Variants in FRMPD4 observed in about 807,000 individuals in gnomAD.
FRMPD4 encodes the protein FERM and PDZ domain-containing protein 4.
Under a neutral mutation model 94.1 loss-of-function variants are expected in FRMPD4, and 22 were observed. The observed-to-expected ratio is 0.23, with a 90% CI of 0.17 to 0.33. The LOEUF (loss-of-function observed/expected upper bound fraction) is 0.33. Among genes scored for constraint, FRMPD4 ranks in the 10% least tolerant of loss-of-function variants. FRMPD4 has a pLI of 1.00. For missense variants in FRMPD4, 1,111 were observed against 1,339.9 expected (o/e 0.83, Z 2.67); for synonymous variants, 631 against 548.6 (o/e 1.15, Z -2.10).
At chrX:12,477,360 C>T (rs777230510) in intron 1 of FRMPD4, among the ~76,000 whole-genome samples, 45 of 111,749 alleles carry the variant, frequency 4.0e-4, no homozygotes, top group Admixed American at 1.8e-3. Context: ...TGTTAAATGA[C>T]GAGTTAACGG....
intron 3 of FRMPD4, among the ~76,000 whole-genome samples, chrX:12,054,395 T>C (rs1405312361): frequency 9.0e-6 from 1 of 111,051 alleles, no homozygotes; most frequent in Non-Finnish European, 1.9e-5. Context: ...CTCCCTCTGC[T>C]CCTTGGACTG....
At chrX:12,662,331 C>T (rs1005490496) in intron 4 of FRMPD4, among the ~76,000 whole-genome samples, 14 of 110,510 alleles carry the variant, frequency 1.3e-4, no homozygotes, top group Admixed American at 2.9e-4. Flanking sequence ...AGGTATTTCT[C>T]CTAATGCTAT....
intron 1 of FRMPD4, among the ~76,000 whole-genome samples, chrX:12,248,810 A>G (rs758980855): frequency 4.3e-3 from 488 of 112,388 alleles, no homozygotes; most frequent in African/African-American, 0.015. Context: ...AGGCCGAGGC[A>G]GGTGGATCAC....
intron 3 of FRMPD4, among the ~76,000 whole-genome samples, chrX:12,072,893 T>C (rs959168084): frequency 8.2e-5 from 9 of 109,828 alleles, no homozygotes; most frequent in African/African-American, 3.0e-4. Context: ...AGGGTGTGTA[T>C]TTTTTAATTA....
At chrX:12,582,730 A>AT (rs1310992973) in intron 2 of FRMPD4, among the ~76,000 whole-genome samples, 2 of 111,039 alleles carry the variant, frequency 1.8e-5, no homozygotes, top group African/African-American at 6.6e-5. Flanking sequence ...TTCATTGTAA[A>AT]TTTTTTCCAG....
At chrX:12,720,206 GT>G (rs2042212551) in intron 16 of FRMPD4, among the ~76,000 whole-genome samples, 2 of 112,206 alleles carry the variant, frequency 1.8e-5, no homozygotes, top group Middle Eastern at 9.1e-3. Flanking sequence ...ATACACAGTT[GT>G]TTTCTGTGTC....
At chrX:12,216,481 C>G (rs924022623) in intron 1 of FRMPD4, among the ~76,000 whole-genome samples, 7 of 111,798 alleles carry the variant, frequency 6.3e-5, no homozygotes, top group African/African-American at 2.3e-4. Flanking sequence ...TTCCCAGGTT[C>G]AAGCTGAAGG....
intron 2 of FRMPD4, among the ~76,000 whole-genome samples, chrX:12,580,339 T>C (rs1325869694): frequency 1.8e-5 from 2 of 111,938 alleles, no homozygotes. Context: ...CCAAAGAAGA[T>C]GTACCCTTCA....
intron 1 of FRMPD4, among the ~76,000 whole-genome samples, chrX:12,469,386 A>T (rs1368540576): frequency 9.0e-6 from 1 of 110,997 alleles, no homozygotes; most frequent in Non-Finnish European, 1.9e-5. Flanking sequence ...AGTAGCTGGG[A>T]TTACCGGCGC....
At chrX:12,672,233 T>C (rs2059851110) in intron 4 of FRMPD4, among the ~76,000 whole-genome samples, 1 of 112,360 alleles carries the variant, frequency 8.9e-6, no homozygotes, top group African/African-American at 3.2e-5. Context: ...TTGTGTTTGC[T>C]TTCATGGATT....
chrX:12,212,974 A>G (rs1338094556), intron 1 of FRMPD4, among the ~76,000 whole-genome samples: 1 of 110,982 alleles, frequency 9.0e-6, no homozygotes, highest in East Asian at 2.8e-4. Flanking sequence ...TGTAAATTGT[A>G]CCCCCAAAGC....
intron 3 of FRMPD4, among the ~76,000 whole-genome samples, chrX:11,998,290 A>C (rs1569139687): frequency 8.9e-6 from 1 of 111,916 alleles, no homozygotes; most frequent in Non-Finnish European, 1.9e-5. Context: ...CATGTGGCTC[A>C]TTGATCTATA....
rs1177957911 is a variant in FRMPD4, at chrX:12,720,070, GAA to G, written c.3965-462_3965-461del. On this transcript the variant is annotated intron_variant, in intron 16 of 16. Coordinates refer to ENST00000675598, the MANE Select transcript of FRMPD4 (RefSeq NM_001368397.1). ...GAAAGGAAAGAAAGAAAGAAAGAAA[GAA>G]AGAAAGAAAGAGAAAGAAAGAAAGG... is the stretch of plus-strand genomic sequence containing the variant. Among the ~76,000 whole-genome samples, 303 of 103,002 alleles carry G rather than the reference GAA, an allele frequency of 2.9e-3. 3 individuals are homozygous for G. The highest frequency in any genetic ancestry group is 0.021 in the East Asian group (70 of 3,370). 89.4% of individuals were successfully genotyped at this position (103,002 alleles called of 115,157 possible).
intron 3 of FRMPD4, among the ~76,000 whole-genome samples, chrX:11,899,623 A>G (rs865902229): frequency 6.3e-5 from 7 of 111,872 alleles, no homozygotes; most frequent in African/African-American, 2.3e-4. Context: ...ACATTCATTT[A>G]AAAGGACTAT....
chrX:12,625,469 A>C (rs1442027938), intron 4 of FRMPD4, among the ~76,000 whole-genome samples: 1 of 112,075 alleles, frequency 8.9e-6, no homozygotes, highest in Non-Finnish European at 1.9e-5. Flanking sequence ...CAATAAAAAA[A>C]AATCCTTTAT....
intron 3 of FRMPD4, among the ~76,000 whole-genome samples, chrX:12,001,043 GCTGTT>G (rs2054521967): frequency 8.9e-6 from 1 of 112,017 alleles, no homozygotes; most frequent in African/African-American, 3.2e-5. Flanking sequence ...CATTGAAGGT[GCTGTT>G]CTGGTCTCTA....
intron 3 of FRMPD4, among the ~76,000 whole-genome samples, chrX:12,127,732 C>A (rs2055512975): frequency 8.9e-6 from 1 of 112,128 alleles, no homozygotes; most frequent in Non-Finnish European, 1.9e-5. Context: ...CAAGGCAAGT[C>A]CCTTCCACCT....
At chrX:12,675,957 G>A (rs1831835847) in intron 5 of FRMPD4, among the ~76,000 whole-genome samples, 1 of 111,494 alleles carries the variant, frequency 9.0e-6, no homozygotes, top group Admixed American at 9.6e-5. Context: ...GAAATAATAA[G>A]GATCAGGATT....
At chrX:11,927,059 T>C (rs1385771061) in intron 3 of FRMPD4, among the ~76,000 whole-genome samples, 4 of 110,587 alleles carry the variant, frequency 3.6e-5, no homozygotes, top group African/African-American at 1.3e-4. Flanking sequence ...AGTCTTAGGA[T>C]ACAAAATCAA....
Sources: gnomAD v4.1 joint callset for allele counts (sites outside exome capture counted in the v4.1 genomes callset) on GRCh38, gnomAD v4.1.1 for gene constraint, MANE v1.5 for transcripts, NCBI Gene and HGNC (gene_info 2026-07-23, HGNC 2026-07-21) for gene names.